The following TMEM132D variants were observed in gnomAD, a reference collection of about 807,000 sequenced individuals.
TMEM132D encodes mature OL transmembrane protein.
In TMEM132D, 21 loss-of-function variants were observed where a neutral mutation model predicts 62.3. That is an observed-to-expected ratio of 0.34 (90% confidence interval 0.24 to 0.49). TMEM132D has a LOEUF of 0.49. Ranked by LOEUF, TMEM132D falls within the 20% of genes least tolerant of loss-of-function variation. The pLI, the probability that TMEM132D is intolerant of heterozygous loss-of-function variation, is 0.99. For missense variants in TMEM132D, 1,346 were observed against 1,402.8 expected, an observed-to-expected ratio of 0.96 and a Z score of 0.65; for synonymous variants, 621 against 575.6, an observed-to-expected ratio of 1.08 and a Z score of -1.13.
chr12:129,141,935 T>C (rs966516033), intron 5 of TMEM132D, among the ~76,000 whole-genome samples: 1 of 149,838 alleles, frequency 6.7e-6, no homozygotes, highest in South Asian at 2.1e-4. Flanking sequence ...TTAAAATTAC[T>C]AAAAAAACCC....
chr12:129,432,121 A>AGGTG (rs1167700563), intron 3 of TMEM132D, among the ~76,000 whole-genome samples: 3 of 133,814 alleles, frequency 2.2e-5, no homozygotes, highest in African/African-American at 6.0e-5. Context: ...ATGGATGGAT[A>AGGTG]GGTGGATGGA....
intron 2 of TMEM132D, among the ~76,000 whole-genome samples, chr12:129,632,038 C>G (rs537144048): frequency 1.2e-4 from 18 of 152,164 alleles, no homozygotes; most frequent in Admixed American, 2.6e-4. Context: ...TTATTTACAA[C>G]AGGAGCATTA....
chr12:129,178,259 T>C (rs1877963163), intron 5 of TMEM132D, among the ~76,000 whole-genome samples: 1 of 152,324 alleles, frequency 6.6e-6, no homozygotes, highest in South Asian at 2.1e-4. Context: ...TATAAGGGAA[T>C]GATTTATATT....
chr12:129,660,642 A>G (rs1254155665), intron 2 of TMEM132D, among the ~76,000 whole-genome samples: 1 of 152,110 alleles, frequency 6.6e-6, no homozygotes, highest in South Asian at 2.1e-4. Context: ...CATGTAAAAA[A>G]CGGGGTGTCA....
intron 2 of TMEM132D, among the ~76,000 whole-genome samples, chr12:129,636,737 TGAGA>T (rs1555223034): frequency 1.8e-5 from 2 of 113,560 alleles, no homozygotes; most frequent in African/African-American, 6.7e-5. Context: ...TGTGTGTGTG[TGAGA>T]GAGAGAGAGA....
intron 5 of TMEM132D, among the ~76,000 whole-genome samples, chr12:129,173,350 C>T (rs191617450): frequency 6.8e-4 from 103 of 152,242 alleles, no homozygotes; most frequent in African/African-American, 2.0e-3. Context: ...AGATATGATA[C>T]GTTGTACTCC....
chr12:129,767,243 T>C (rs1465346307), intron 1 of TMEM132D, among the ~76,000 whole-genome samples: 1 of 152,232 alleles, frequency 6.6e-6, no homozygotes, highest in African/African-American at 2.4e-5. Context: ...CTTCACTCTC[T>C]TGTGAGGGTT....
chr12:129,875,518 T>A (rs755832104), intron 1 of TMEM132D, among the ~76,000 whole-genome samples: 2 of 152,162 alleles, frequency 1.3e-5, no homozygotes, highest in African/African-American at 2.4e-5. Flanking sequence ...ACTGGTGCTA[T>A]CCTGAGTCCC....
At chr12:129,347,109 T>C (rs994010598) in intron 3 of TMEM132D, among the ~76,000 whole-genome samples, 3 of 152,168 alleles carry the variant, frequency 2.0e-5, no homozygotes, top group South Asian at 4.1e-4. Flanking sequence ...AAAGAATCGG[T>C]ATCGTGAAAA....
At chr12:129,436,684 A>G (rs750858044) in intron 3 of TMEM132D, among the ~76,000 whole-genome samples, 3 of 152,192 alleles carry the variant, frequency 2.0e-5, no homozygotes, top group South Asian at 4.1e-4. Flanking sequence ...TCTCCAAAAC[A>G]TATTAGGAGG....
At position 129,448,004 on chromosome 12, in the gene TMEM132D, C is replaced by T. The variant is rs193199468; in HGVS notation, c.1115+83055G>A. Among the ~76,000 whole-genome samples, 288 of 152,184 alleles carry T rather than the reference C, an allele frequency of 1.9e-3. 1 individual carries two copies. The highest frequency in any genetic ancestry group is 6.8e-3 in the Middle Eastern group (2 of 294). ...CTTCAGGATAAGCATGAAATGAGAT[C>T]GTCTGTGGCGTTTTCAGCGTAGTGC... On this transcript the variant is annotated intron_variant, in intron 3 of 8. Coordinates refer to ENST00000422113, the MANE Select transcript of TMEM132D (RefSeq NM_133448.3).
chr12:129,413,638 A>G (rs1872033559), intron 3 of TMEM132D, among the ~76,000 whole-genome samples: 1 of 152,170 alleles, frequency 6.6e-6, no homozygotes, highest in Admixed American at 6.5e-5. Flanking sequence ...TAGTAACATT[A>G]GTCTTTTGAA....
At chr12:129,465,775 C>G (rs1873870723) in intron 3 of TMEM132D, among the ~76,000 whole-genome samples, 1 of 152,170 alleles carries the variant, frequency 6.6e-6, no homozygotes, top group African/African-American at 2.4e-5. Context: ...CTCTGCCTCC[C>G]AGGTTCAGGT....
intron 1 of TMEM132D, among the ~76,000 whole-genome samples, chr12:129,873,604 T>A (rs1334048224): frequency 1.3e-5 from 2 of 152,196 alleles, no homozygotes; most frequent in African/African-American, 4.8e-5. Context: ...TCTGTCTTGT[T>A]GAGAATCTTT....
chr12:129,489,653 T>G lies in TMEM132D; in HGVS notation c.1115+41406A>C, dbSNP rs550483950. Among the ~76,000 whole-genome samples, 129 of 152,374 alleles carry G rather than the reference T, an allele frequency of 8.5e-4. 4 individuals are homozygous for G. In the South Asian group the frequency reaches 0.026, roughly 30 times the overall value. On this transcript the variant is annotated intron_variant, in intron 3 of 8. Transcript: ENST00000422113. ...CATTTGAGGAAAATGGAAATCATTATAGTAGAATGTAATTGTCTCTTTTAA... is the reference window on the plus strand; with the variant it reads ...CATTTGAGGAAAATGGAAATCATTAGAGTAGAATGTAATTGTCTCTTTTAA...
chr12:129,722,696 A>G (rs1868881846), intron 1 of TMEM132D, among the ~76,000 whole-genome samples: 1 of 150,414 alleles, frequency 6.6e-6, no homozygotes, highest in Non-Finnish European at 1.5e-5. Flanking sequence ...AGTGATGACC[A>G]TATTCCTGGT....
At chr12:129,391,482 G>A (rs1182651900) in intron 3 of TMEM132D, among the ~76,000 whole-genome samples, 1 of 152,172 alleles carries the variant, frequency 6.6e-6, no homozygotes, top group Non-Finnish European at 1.5e-5. Context: ...AGAGCAATGA[G>A]AGACAGAGAA....
intron 3 of TMEM132D, among the ~76,000 whole-genome samples, chr12:129,470,427 T>C (rs1874059406): frequency 6.6e-6 from 1 of 152,152 alleles, no homozygotes; most frequent in Admixed American, 6.5e-5. Context: ...CTCGGAATGA[T>C]CATTTGTGAA....
At chr12:129,820,838 C>G (rs76020459) in intron 1 of TMEM132D, among the ~76,000 whole-genome samples, 2,060 of 152,326 alleles carry the variant, frequency 0.014, 28 homozygotes, top group South Asian at 0.053. Context: ...ATCCTCCTGC[C>G]TTGGCCTCCC....
Sources: allele counts gnomAD v4.1 joint callset (sites outside exome capture counted in the v4.1 genomes callset), GRCh38; gene constraint gnomAD v4.1.1; transcripts MANE v1.5; gene names NCBI Gene and HGNC (gene_info 2026-07-23, HGNC 2026-07-21).